The following COG2 variants were observed in gnomAD, a reference collection of about 807,000 sequenced individuals.
COG2 encodes component of oligomeric golgi complex 2.
A neutral mutation model predicts 90.6 loss-of-function variants in COG2; 52 were observed. The ratio of observed to expected loss-of-function variants is 0.57; its 90% confidence interval spans 0.46 to 0.72. The LOEUF is 0.72. Among genes scored for constraint, COG2 ranks in the 30% least tolerant of loss-of-function variants. The pLI is 0.00. For missense variants in COG2, 829 were observed against 891.2 expected, an observed-to-expected ratio of 0.93 and a Z score of 0.89; for synonymous variants, 337 against 320.4, an observed-to-expected ratio of 1.05 and a Z score of -0.55.
At chr1:230,688,328 A>C in intron 14 of COG2, 92 bp from the exon 15 acceptor site, 1 of 1,457,432 alleles carries the variant, frequency 6.9e-7, no homozygotes, top group Middle Eastern at 2.4e-4. Flanking sequence ...GATTTATTAT[A>C]GTACACAATG....
At chr1:230,666,664 G>A (rs1459533101) in intron 5 of COG2, among the ~76,000 whole-genome samples, 1 of 152,030 alleles carries the variant, frequency 6.6e-6, no homozygotes, top group Non-Finnish European at 1.5e-5. Flanking sequence ...GCTGACTTAC[G>A]CTTCCTTAAT....
intron 12 of COG2, among the ~76,000 whole-genome samples, chr1:230,686,629 A>G (rs1340014625): frequency 6.6e-6 from 1 of 152,134 alleles, no homozygotes; most frequent in African/African-American, 2.4e-5. Flanking sequence ...AAAACCTGTG[A>G]TGTCCCCAAA....
chr1:230,659,841 A>T (rs1034115298), intron 2 of COG2, among the ~76,000 whole-genome samples: 1 of 152,132 alleles, frequency 6.6e-6, no homozygotes, highest in Non-Finnish European at 1.5e-5. Flanking sequence ...TATTTTTTTA[A>T]TTTGATATTA....
At chr1:230,686,619 A>G (rs989531436) in intron 12 of COG2, among the ~76,000 whole-genome samples, 2 of 152,156 alleles carry the variant, frequency 1.3e-5, no homozygotes, top group African/African-American at 4.8e-5. Context: ...TGATTTTTTT[A>G]AAACCTGTGA....
chr1:230,665,035 A>G (rs1662286635), intron 5 of COG2, among the ~76,000 whole-genome samples: 1 of 152,236 alleles, frequency 6.6e-6, no homozygotes, highest in Non-Finnish European at 1.5e-5. Flanking sequence ...ACAGCAAAGA[A>G]AAAGCTTGCA....
chr1:230,648,425 C>T (rs1469491330), intron 1 of COG2, among the ~76,000 whole-genome samples: 1 of 152,180 alleles, frequency 6.6e-6, no homozygotes, highest in Non-Finnish European at 1.5e-5. Context: ...CAGTTTGCAA[C>T]ACAAATAAAG....
In COG2 at chr1:230,663,138, A is replaced by C. The variant is rs1216048361; in HGVS notation, c.301-3A>C. 1.9e-6 allele frequency: 3 copies of C among 1,593,760 alleles called. No individual in the cohort carries two copies. Among genetic ancestry groups the C allele is most frequent in the Non-Finnish European group, 2.6e-6 (3 of 1,173,128 alleles). On this transcript the variant is annotated splice_polypyrimidine_tract_variant and splice_region_variant and intron_variant, in intron 3 of 17. Coordinates refer to ENST00000366669, the MANE Select transcript of COG2 (RefSeq NM_007357.3). The stretch of plus-strand genomic sequence containing the variant: ...CAGTACTTTTTTTTTTTGTCTTTTA[A>C]AGAGCCTTAGATCGTCTGTCAGTGA...
intron 7 of COG2, chr1:230,670,416 A>G (rs1348957709): frequency 6.6e-6 from 1 of 152,190 alleles, no homozygotes; most frequent in African/African-American, 2.4e-5. Flanking sequence ...AAAGTCTTTT[A>G]TTTTTTAAAG....
At chr1:230,663,263 A>G (rs1157090730) in intron 4 of COG2, 42 bp downstream of exon 4, 11 of 1,490,298 alleles carry the variant, frequency 7.4e-6, no homozygotes, top group Non-Finnish European at 1.0e-5. Context: ...GATTCACTGT[A>G]GCACCTTGTA....
Position 230,688,389 on chromosome 1 carries a change from G to A in COG2, c.1652-31G>A, listed in dbSNP as rs368630961. 8 of 1,611,640 alleles carry A rather than the reference G, an allele frequency of 5.0e-6. No homozygotes were observed. In the African/African-American group the frequency reaches 1.1e-4, roughly 22 times the overall value. On this transcript the variant is annotated intron_variant, in intron 14 of 17. Coordinates refer to ENST00000366669, the MANE Select transcript of COG2 (RefSeq NM_007357.3). ...GAAGTTCATGTCTGGGCCTGAGCAT[G>A]ATGATTAAATCCAGTCTTTAATCTC...
intron 1 of COG2, among the ~76,000 whole-genome samples, chr1:230,654,656 G>A (rs950047069): frequency 1.3e-5 from 2 of 152,134 alleles, no homozygotes; most frequent in South Asian, 2.1e-4. Flanking sequence ...GCTTGATGGC[G>A]ATAGCATTGA....
chr1:230,693,063 G>T (rs1235728126), intron 17 of COG2, among the ~76,000 whole-genome samples: 1 of 152,038 alleles, frequency 6.6e-6, no homozygotes, highest in Non-Finnish European at 1.5e-5. Flanking sequence ...CTGATTTGAT[G>T]AACTGAGATA....
Position 230,691,432 on chromosome 1 carries a change from A to C in COG2, c.1983A>C (p.Glu661Asp). Residue 661 changes from glutamate (E) to aspartate (D), a missense_variant, in exon 17 of 18, where the codon GAA (glutamate) becomes GAC (aspartate). By Grantham distance (45) the Glu-to-Asp change is conservative. Transcript: ENST00000366669. ...SDVLNSVKKM[E>D]ESLKRLKQAR... ...TATTAAACTCTGTGAAGAAGATGGA[A>C]GAGAGCCTGAAAAGGCTGAAACAAG... is the stretch of plus-strand genomic sequence containing the variant. 1 of 1,614,172 alleles carries C rather than the reference A, an allele frequency of 6.2e-7. No individual in the cohort carries two copies. The highest frequency in any genetic ancestry group is 1.1e-5 in the South Asian group (1 of 91,080).
intron 5 of COG2, among the ~76,000 whole-genome samples, chr1:230,665,496 C>G (rs1235297669): frequency 6.6e-6 from 1 of 152,146 alleles, no homozygotes; most frequent in Non-Finnish European, 1.5e-5. Flanking sequence ...ATTATCAAGA[C>G]AAGTTGGATT....
intron 2 of COG2, among the ~76,000 whole-genome samples, chr1:230,660,400 C>G (rs765655764): frequency 1.3e-5 from 2 of 152,154 alleles, no homozygotes; most frequent in Non-Finnish European, 2.9e-5. Context: ...TTGAGACTTT[C>G]ACATCAACTG....
chr1:230,669,566 G>T, intron 7 of COG2, 31 bp downstream of exon 7: 1 of 1,594,386 alleles, frequency 6.3e-7, no homozygotes, highest in South Asian at 1.1e-5. Context: ...AAACATTCAT[G>T]AGCTTCTGTT....
chr1:230,664,049 T>G (rs1192781292), intron 4 of COG2, among the ~76,000 whole-genome samples: 1 of 151,892 alleles, frequency 6.6e-6, no homozygotes, highest in Admixed American at 6.6e-5. Context: ...ATTCTCCAGA[T>G]GTGGTGGTGT....
At chr1:230,665,100 C>T (rs1305809621) in intron 5 of COG2, among the ~76,000 whole-genome samples, 2 of 152,292 alleles carry the variant, frequency 1.3e-5, no homozygotes, top group Non-Finnish European at 2.9e-5. Context: ...TTATTACCTT[C>T]CCACACTGAA....
intron 6 of COG2, 75 bp from the exon 7 acceptor site, chr1:230,669,281 G>A (rs112474540): frequency 7.3e-7 from 1 of 1,373,426 alleles, no homozygotes; most frequent in Non-Finnish European, 1.0e-6. Context: ...TAAGAGGCTT[G>A]TTATATATCT....
Sources: gnomAD v4.1 joint callset for allele counts (sites outside exome capture counted in the v4.1 genomes callset) on GRCh38, gnomAD v4.1.1 for gene constraint, MANE v1.5 for transcripts, NCBI Gene and HGNC (gene_info 2026-07-23, HGNC 2026-07-21) for gene names.